Variants in MEF2C observed in about 807,000 individuals in gnomAD.
MEF2C encodes myocyte enhancer factor 2C, also known as myocyte-specific enhancer factor 2C.
A neutral mutation model predicts 50.5 loss-of-function variants in MEF2C; 6 were observed. The observed-to-expected ratio is 0.12, with a 90% CI of 0.07 to 0.23. The LOEUF (loss-of-function observed/expected upper bound fraction) is 0.23. MEF2C is among the 10% of genes least tolerant of loss of function. The pLI is 1.00. For missense variants in MEF2C, 276 were observed against 605.0 expected (o/e 0.46, Z 5.70); for synonymous variants, 183 against 228.0 (o/e 0.80, Z 1.78).
chr5:88,782,069 ACT>A (rs1788380471), intron 3 of MEF2C: 1 of 877,384 alleles, frequency 1.1e-6, no homozygotes, highest in Non-Finnish European at 1.4e-6. Flanking sequence ...ACCTAGCGAG[ACT>A]CTGTCTAAAA....
At chr5:88,803,879 C>T (rs915841736) in intron 3 of MEF2C, among the ~76,000 whole-genome samples, 1 of 152,106 alleles carries the variant, frequency 6.6e-6, no homozygotes, top group Non-Finnish European at 1.5e-5. Flanking sequence ...GCTAACACAT[C>T]TAAAACATTT....
chr5:88,729,671 A>T (rs533339399), intron 8 of MEF2C, among the ~76,000 whole-genome samples: 2 of 152,294 alleles, frequency 1.3e-5, no homozygotes, highest in East Asian at 3.9e-4. Flanking sequence ...TTCAGTTTTC[A>T]TTCAAATGCA....
chr5:88,797,293 A>G (rs1295733919), intron 3 of MEF2C, among the ~76,000 whole-genome samples: 1 of 152,022 alleles, frequency 6.6e-6, no homozygotes, highest in Non-Finnish European at 1.5e-5. Context: ...GACTTGCTTT[A>G]TGAATCTGGG....
chr5:88,844,505 A>C (rs1016624136), intron 1 of MEF2C: 4 of 201,000 alleles, frequency 2.0e-5, no homozygotes, highest in Non-Finnish European at 2.7e-5. Context: ...CTCGAAGTTT[A>C]TTTCTTATTA....
At chr5:88,819,274 A>C in intron 2 of MEF2C, 1 of 886,760 alleles carries the variant, frequency 1.1e-6, no homozygotes, top group Non-Finnish European at 1.4e-6. Context: ...ACATAATTTT[A>C]AAAAGCATAA....
At chr5:88,902,274 CAT>C (rs1835746322) in intron 1 of MEF2C, among the ~76,000 whole-genome samples, 1 of 151,504 alleles carries the variant, frequency 6.6e-6, no homozygotes, top group Non-Finnish European at 1.5e-5. Context: ...TATAATGAAA[CAT>C]AATGAAGCAT....
chr5:88,734,742 A>C lies in MEF2C; in HGVS notation c.638-2841T>G, dbSNP rs969104564. The C allele has an allele frequency of 3.1e-6, 3 of 983,230 alleles. No individual in the cohort carries two copies. The Admixed American group carries it at 1.8e-4, about 60-fold the overall frequency. 60.9% of individuals were successfully genotyped at this position (983,230 alleles called of 1,614,324 possible). A position where few individuals can be genotyped will look rare whatever the true frequency, so the allele number is the denominator to read the frequency against. On this transcript the variant is annotated intron_variant, in intron 6 of 10. Coordinates refer to ENST00000504921, the MANE Select transcript of MEF2C (RefSeq NM_002397.5). ...CTTTTCATTCAGTAAATACCTCAAA[A>C]CTAAAAAAATTGATTTTAAAAGCCT... is the stretch of plus-strand genomic sequence containing the variant.
intron 6 of MEF2C, chr5:88,743,832 A>G: frequency 1.0e-6 from 1 of 983,574 alleles, no homozygotes; most frequent in Non-Finnish European, 1.2e-6. Flanking sequence ...TAAAATAGTC[A>G]ACAATTAACA....
At chr5:88,857,629 T>A (rs563849554) in intron 1 of MEF2C, among the ~76,000 whole-genome samples, 1 of 152,202 alleles carries the variant, frequency 6.6e-6, no homozygotes, top group South Asian at 2.1e-4. Context: ...TGGGGGTAGT[T>A]CCCCCGTACT....
chr5:88,843,258 T>C (rs1376187272), intron 1 of MEF2C: 8 of 809,926 alleles, frequency 9.9e-6, no homozygotes, highest in Non-Finnish European at 1.2e-5. Flanking sequence ...TTTCTATTTC[T>C]ATTTGGGTAT....
intron 1 of MEF2C, among the ~76,000 whole-genome samples, chr5:88,903,685 A>G (rs2150356163): frequency 6.6e-6 from 1 of 152,240 alleles, no homozygotes; most frequent in East Asian, 1.9e-4. Flanking sequence ...AATGAAAGAG[A>G]CCAATATTTA....
chr5:88,759,873 G>T (rs1777078427), intron 4 of MEF2C, among the ~76,000 whole-genome samples: 1 of 152,174 alleles, frequency 6.6e-6, no homozygotes, highest in South Asian at 2.1e-4. Flanking sequence ...ATTCAATTCA[G>T]GTTTGAGTGT....
intron 2 of MEF2C, among the ~76,000 whole-genome samples, chr5:88,815,490 C>G (rs1804893463): frequency 6.6e-6 from 1 of 152,042 alleles, no homozygotes; most frequent in African/African-American, 2.4e-5. Flanking sequence ...AGTCAAATTT[C>G]CAAACATTTA....
At chr5:88,791,931 C>G (rs1793942800) in intron 3 of MEF2C, among the ~76,000 whole-genome samples, 1 of 151,910 alleles carries the variant, frequency 6.6e-6, no homozygotes, top group African/African-American at 2.4e-5. Context: ...AATACTAATA[C>G]TTTGTTAATT....
intron 3 of MEF2C, among the ~76,000 whole-genome samples, chr5:88,794,325 AT>A (rs1795097684): frequency 6.6e-6 from 1 of 152,148 alleles, no homozygotes; most frequent in Non-Finnish European, 1.5e-5. Context: ...TGACTTTTTA[AT>A]GATCACCATT....
intron 3 of MEF2C, among the ~76,000 whole-genome samples, chr5:88,789,555 T>G (rs767596790): frequency 4.6e-5 from 7 of 152,264 alleles, no homozygotes; most frequent in Non-Finnish European, 8.8e-5. Flanking sequence ...CCTAGAACAG[T>G]AGCTCTAAAT....
At chr5:88,742,454 A>G (rs1314148301) in intron 6 of MEF2C, 10 of 980,422 alleles carry the variant, frequency 1.0e-5, no homozygotes, top group Non-Finnish European at 9.7e-6. Flanking sequence ...ATTAGGTTAA[A>G]TCAATGGGAT....
chr5:88,737,960 A>T, intron 6 of MEF2C: 5 of 985,354 alleles, frequency 5.1e-6, no homozygotes, highest in Non-Finnish European at 6.0e-6. Context: ...GAAAGGAGAG[A>T]CAAAAGGGGG....
upstream of MEF2C, chr5:88,884,522 A>G (rs1461530440): frequency 6.6e-6 from 1 of 152,222 alleles, no homozygotes; most frequent in Non-Finnish European, 1.5e-5. Context: ...TCGCGGGGCC[A>G]TGAACTTTCT....
Sources: gnomAD v4.1 joint callset for allele counts (sites outside exome capture counted in the v4.1 genomes callset) on GRCh38, gnomAD v4.1.1 for gene constraint, MANE v1.5 for transcripts, NCBI Gene and HGNC (gene_info 2026-07-23, HGNC 2026-07-21) for gene names.